Variants in PLEKHD1 observed in about 807,000 individuals in gnomAD.
PLEKHD1 encodes pleckstrin homology domain-containing family D member 1.
In PLEKHD1, 51 loss-of-function variants were observed where a neutral mutation model predicts 69.2. The observed-to-expected ratio is 0.74, with a 90% CI of 0.59 to 0.93. The LOEUF (loss-of-function observed/expected upper bound fraction) is 0.93, where lower values mean the gene tolerates loss of function less well. PLEKHD1 is among the 40% of genes least tolerant of loss of function. The pLI, the probability that PLEKHD1 is intolerant of heterozygous loss-of-function variation, is 0.00. For missense variants in PLEKHD1, 584 were observed against 641.0 expected, an observed-to-expected ratio of 0.91 and a Z score of 0.96; for synonymous variants, 236 against 244.7, an observed-to-expected ratio of 0.96 and a Z score of 0.33.
intron 1 of PLEKHD1, 100 bp downstream of exon 1, chr14:69,485,214 T>C: frequency 7.6e-7 from 1 of 1,322,534 alleles, no homozygotes; most frequent in Non-Finnish European, 1.0e-6. Context: ...TCTGCTTTCC[T>C]GTGTGACCTT....
upstream of PLEKHD1, among the ~76,000 whole-genome samples, chr14:69,479,716 C>T (rs1882509516): frequency 6.6e-6 from 1 of 152,080 alleles, no homozygotes; most frequent in African/African-American, 2.4e-5. Context: ...TCCTTCAGAA[C>T]ACGAAAGCCC....
At chr14:69,522,220 G>A (rs942000802) in intron 6 of PLEKHD1, 63 bp from the exon 7 acceptor site, 5 of 1,449,698 alleles carry the variant, frequency 3.4e-6, no homozygotes, top group South Asian at 1.2e-5. Flanking sequence ...ATAGAGTGGG[G>A]GATCCTGATC....
chr14:69,521,647 CA>C (rs1319222284), intron 6 of PLEKHD1, among the ~76,000 whole-genome samples: 2 of 152,340 alleles, frequency 1.3e-5, no homozygotes, highest in East Asian at 1.9e-4. Context: ...GGAGGACACA[CA>C]GTTGCTGGGA....
In PLEKHD1 at chr14:69,524,472, T is replaced by C. The variant is rs553105043; in HGVS notation, c.744+150T>C. On this transcript the variant is annotated intron_variant, in intron 8 of 12. Coordinates refer to ENST00000322564, the MANE Select transcript of PLEKHD1 (RefSeq NM_001161498.2). ...GCTGATCTAAAGGGTCTCTTCTCTA[T>C]GGATCATTGAAAACTCTGGCCGAGG... 3 of 679,750 alleles carry C rather than the reference T, an allele frequency of 4.4e-6. No individual in the cohort carries two copies. The South Asian group carries it at 5.8e-5, about 13-fold the overall frequency. 42.1% of individuals were successfully genotyped at this position (679,750 alleles called of 1,614,324 possible).
rs965497353 is a variant in PLEKHD1 at position 69,531,484 on chromosome 14, A to T, written c.*3065A>T. The T allele has an allele frequency of 6.6e-6, 1 of 152,214 alleles. No homozygotes were observed. Among genetic ancestry groups the T allele is most frequent in the Non-Finnish European group, 1.5e-5 (1 of 68,052 alleles). The allele number at this position is 152,214 out of a possible 1,614,324, so 9.4% of individuals were successfully genotyped here. Reference sequence around the variant, plus strand: ...TACTTAGTGGAGATATGTTGATGTAATTTTTTTAATTTTTAAAAACAAAAC... The same window carrying T: ...TACTTAGTGGAGATATGTTGATGTATTTTTTTTAATTTTTAAAAACAAAAC... On this transcript the variant is annotated 3_prime_UTR_variant, in exon 13 of 13. Coordinates refer to ENST00000322564, the MANE Select transcript of PLEKHD1 (RefSeq NM_001161498.2).
chr14:69,529,251 C>T lies in PLEKHD1; in HGVS notation c.*832C>T, dbSNP rs1030358602. 6.6e-6 allele frequency: 1 copy of T among 152,304 alleles called. No homozygotes were observed. The highest frequency in any genetic ancestry group is 2.4e-5 in the African/African-American group (1 of 41,436). The allele number at this position is 152,304 out of a possible 1,614,324, so 9.4% of individuals were successfully genotyped here. A position where few individuals can be genotyped will look rare whatever the true frequency, so the allele number is the denominator to read the frequency against. On this transcript the variant is annotated 3_prime_UTR_variant, in exon 13 of 13. Transcript: ENST00000322564. ...TCCCCCAGAGGACACGTAACAAGCT[C>T]AGGAGTGGGCTGGGCACAGTGGCTC...
chr14:69,498,100 TATTTTA>T (rs1566557093), intron 1 of PLEKHD1, among the ~76,000 whole-genome samples: 51 of 146,626 alleles, frequency 3.5e-4, no homozygotes, highest in African/African-American at 1.2e-3. Flanking sequence ...TATTTTATTT[TATTTTA>T]GAGAGTCTTG....
chr14:69,494,757 T>G (rs1225756977), intron 1 of PLEKHD1, among the ~76,000 whole-genome samples: 7 of 151,986 alleles, frequency 4.6e-5, no homozygotes. Context: ...TGGAATAGGG[T>G]GGGAAGAGGA....
the PLEKHD1 span, among the ~76,000 whole-genome samples, chr14:69,472,942 C>T: frequency 6.6e-6 from 1 of 152,134 alleles, no homozygotes; most frequent in Non-Finnish European, 1.5e-5. Flanking sequence ...GGAGCATGAA[C>T]CCTACTGTGA....
chr14:69,481,824 C>T (rs947277309), upstream of PLEKHD1, among the ~76,000 whole-genome samples: 6 of 152,050 alleles, frequency 3.9e-5, no homozygotes, highest in East Asian at 1.9e-4. Context: ...GAGTTTTCAC[C>T]CCTGACTGGT....
intron 4 of PLEKHD1, 109 bp from the exon 5 acceptor site, chr14:69,501,625 G>A: frequency 2.5e-6 from 2 of 786,664 alleles, no homozygotes; most frequent in South Asian, 3.7e-5. Context: ...AGGAGAAAGG[G>A]TGGGCGAGTA....
intron 6 of PLEKHD1, among the ~76,000 whole-genome samples, chr14:69,512,901 A>G (rs1193427139): frequency 1.4e-5 from 2 of 147,404 alleles, no homozygotes; most frequent in African/African-American, 4.9e-5. Context: ...GTCTCTAAGA[A>G]AAAAAAAAAA....
chr14:69,480,115 G>A, upstream of PLEKHD1, among the ~76,000 whole-genome samples: 1 of 152,342 alleles, frequency 6.6e-6, no homozygotes, highest in East Asian at 1.9e-4. Context: ...GTTAGAATGG[G>A]CGATGGACAA....
upstream of PLEKHD1, among the ~76,000 whole-genome samples, chr14:69,483,377 G>T (rs922788412): frequency 6.6e-6 from 1 of 152,004 alleles, no homozygotes; most frequent in African/African-American, 2.4e-5. Context: ...GACAATAGGG[G>T]ATGATGGGGC....
At chr14:69,502,698 A>G in intron 5 of PLEKHD1, 129 bp from the exon 6 acceptor site, 1 of 1,182,166 alleles carries the variant, frequency 8.5e-7, no homozygotes, top group Non-Finnish European at 1.2e-6. Flanking sequence ...TCTGGCTGGC[A>G]GGGCTGCAGG....
At chr14:69,492,375 C>T (rs766326415) in intron 1 of PLEKHD1, among the ~76,000 whole-genome samples, 5 of 152,172 alleles carry the variant, frequency 3.3e-5, no homozygotes, top group Admixed American at 6.5e-5. Context: ...TGATTCCTCC[C>T]GGTCTTCACT....
chr14:69,501,817 A>G lies in PLEKHD1; in HGVS notation c.494A>G (p.Glu165Gly). ...CTGCAGTTGGCTAAGGAAAAGCAGGAGTATTTAGGTTGGCTGGAGGGGTGG... is the reference window on the plus strand; with the variant it reads ...CTGCAGTTGGCTAAGGAAAAGCAGGGGTATTTAGGTTGGCTGGAGGGGTGG... ...QGLQLAKEKQ[E>G]YLDKLMEETE... The change falls in exon 5 of 13, where the codon GAG (glutamate) becomes GGG (glycine). Residue 165 changes from glutamate (E) to glycine (G), a missense_variant. Glu to Gly is a moderately conservative substitution (Grantham distance 98). Coordinates refer to ENST00000322564, the MANE Select transcript of PLEKHD1 (RefSeq NM_001161498.2). 6.4e-7 allele frequency: 1 copy of G among 1,550,950 alleles called. No individual in the cohort carries two copies. Among genetic ancestry groups the G allele is most frequent in the Non-Finnish European group, 8.7e-7 (1 of 1,146,478 alleles).
chr14:69,516,686 G>T lies in PLEKHD1; in HGVS notation c.556-5597G>T, dbSNP rs61982437. 9.5e-3 allele frequency among the ~76,000 whole-genome samples: 1,443 copies of T among 152,046 alleles called. 16 individuals are homozygous for T. The highest frequency in any genetic ancestry group is 0.015 in the Non-Finnish European group (1,003 of 67,962). On this transcript the variant is annotated intron_variant, in intron 6 of 12. Coordinates refer to ENST00000322564, the MANE Select transcript of PLEKHD1 (RefSeq NM_001161498.2). ...ATCATGTTTTGATTTCCATTTTTGC[G>T]GGGGAGGGTGTCTCCCTCTATCACC...
chr14:69,517,716 C>A (rs1400026800), intron 6 of PLEKHD1, among the ~76,000 whole-genome samples: 1 of 152,198 alleles, frequency 6.6e-6, no homozygotes, highest in Non-Finnish European at 1.5e-5. Flanking sequence ...TCTTTCAGGG[C>A]AGCAGGTTTC....
Sources: allele counts gnomAD v4.1 joint callset (sites outside exome capture counted in the v4.1 genomes callset), GRCh38; gene constraint gnomAD v4.1.1; transcripts MANE v1.5; gene names NCBI Gene and HGNC (gene_info 2026-07-23, HGNC 2026-07-21).